Variants in CERT1 observed in about 807,000 individuals in gnomAD.
The protein encoded by CERT1 is ceramide transfer protein.
Under a neutral mutation model 87.9 loss-of-function variants are expected in CERT1, and 31 were observed. The observed-to-expected ratio is 0.35, with a 90% CI of 0.27 to 0.48. CERT1 has a LOEUF of 0.48. Among genes scored for constraint, CERT1 ranks in the 20% least tolerant of loss-of-function variants. The pLI is 0.99. For synonymous variants in CERT1, 289 were observed against 250.9 expected (o/e 1.15, Z -1.44); for missense variants, 487 against 758.0 (o/e 0.64, Z 4.20).
chr5:75,496,782 G>A (rs767845987), intron 2 of CERT1, among the ~76,000 whole-genome samples: 1 of 152,120 alleles, frequency 6.6e-6, no homozygotes, highest in Admixed American at 6.6e-5. Flanking sequence ...CAGAGGTTGG[G>A]GACACAGAGG....
intron 3 of CERT1, among the ~76,000 whole-genome samples, chr5:75,434,551 T>A (rs73120804): frequency 0.06 from 9,068 of 152,124 alleles, 558 homozygotes; most frequent in African/African-American, 0.16. Flanking sequence ...CCGGAATAAT[T>A]TCAGTAGCAT....
At chr5:75,462,997 A>C (rs1456632432) in intron 2 of CERT1, among the ~76,000 whole-genome samples, 1 of 151,130 alleles carries the variant, frequency 6.6e-6, no homozygotes, top group Non-Finnish European at 1.5e-5. Context: ...TCTCAAAAAA[A>C]AAAAAAAAAA....
intron 7 of CERT1, among the ~76,000 whole-genome samples, chr5:75,411,310 T>TGTAG (rs1762927120): frequency 6.6e-6 from 1 of 152,092 alleles, no homozygotes; most frequent in Non-Finnish European, 1.5e-5. Flanking sequence ...TATTTATGTA[T>TGTAG]GTATGTATGT....
At chr5:75,413,750 C>T (rs752400383) in intron 7 of CERT1, among the ~76,000 whole-genome samples, 4 of 152,014 alleles carry the variant, frequency 2.6e-5, no homozygotes, top group Non-Finnish European at 5.9e-5. Context: ...CCCACACACC[C>T]ACACATCCCT....
chr5:75,458,993 C>CTT, intron 3 of CERT1, 72 bp downstream of exon 3: 12 of 777,352 alleles, frequency 1.5e-5, no homozygotes, highest in Admixed American at 2.2e-5. Flanking sequence ...CACATGTCAA[C>CTT]TTTTTTTTTA....
chr5:75,423,731 C>T (rs1763485756), intron 5 of CERT1, among the ~76,000 whole-genome samples: 1 of 152,118 alleles, frequency 6.6e-6, no homozygotes, highest in Non-Finnish European at 1.5e-5. Context: ...TGATACTACA[C>T]ATAAAGTGGT....
Position 75,403,127 on chromosome 5 carries a change from ATTAAC to A in CERT1, c.931-74_931-70del, listed in dbSNP as rs549508779. 46 of 1,030,654 alleles carry A rather than the reference ATTAAC, an allele frequency of 4.5e-5. 1 individual carries two copies. The South Asian group carries it at 4.5e-4, about 10-fold the overall frequency. The allele number at this position is 1,030,654 out of a possible 1,614,324, so 63.8% of individuals were successfully genotyped here. On this transcript the variant is annotated intron_variant, in intron 8 of 16. Transcript: ENST00000643780. ...AACAGAAAACTCTGATAACTCTGGT[ATTAAC>A]TTGAGTTTGAAAATTGACCTAATAA... is the stretch of plus-strand genomic sequence containing the variant.
At chr5:75,459,903 AGT>A (rs1384682234) in intron 2 of CERT1, among the ~76,000 whole-genome samples, 1 of 143,524 alleles carries the variant, frequency 7.0e-6, no homozygotes, top group Admixed American at 7.4e-5. Context: ...CCGAGGTTTC[AGT>A]GAGCCGAGAT....
intron 5 of CERT1, among the ~76,000 whole-genome samples, chr5:75,423,327 G>T (rs1187733369): frequency 6.6e-6 from 1 of 151,904 alleles, no homozygotes; most frequent in Non-Finnish European, 1.5e-5. Flanking sequence ...TGATTAAAAG[G>T]TATACTTTTT....
At chr5:75,390,345 T>G (rs1052334675) in intron 11 of CERT1, among the ~76,000 whole-genome samples, 1 of 152,220 alleles carries the variant, frequency 6.6e-6, no homozygotes, top group Non-Finnish European at 1.5e-5. Context: ...TCCAATTTCT[T>G]TGTTCTAAAT....
chr5:75,494,908 T>C (rs761867732), intron 2 of CERT1, among the ~76,000 whole-genome samples: 1 of 152,236 alleles, frequency 6.6e-6, no homozygotes, highest in Non-Finnish European at 1.5e-5. Context: ...AATTCCTACC[T>C]TGTAAAAAGC....
intron 12 of CERT1, among the ~76,000 whole-genome samples, chr5:75,389,229 T>C (rs529907032): frequency 3.3e-5 from 5 of 152,122 alleles, no homozygotes; most frequent in Non-Finnish European, 5.9e-5. Flanking sequence ...CAAAGTGTCA[T>C]CTAGGCACAA....
intron 3 of CERT1, among the ~76,000 whole-genome samples, chr5:75,434,180 GTTGAGGT>G (rs1276402311): frequency 3.0e-5 from 4 of 134,666 alleles, no homozygotes; most frequent in African/African-American, 1.1e-4. Context: ...TGCCTAGTTT[GTTGAGGT>G]TTTTTTTTTT....
At chr5:75,391,810 T>C (rs1454143908) in intron 11 of CERT1, among the ~76,000 whole-genome samples, 1 of 152,236 alleles carries the variant, frequency 6.6e-6, no homozygotes, top group East Asian at 1.9e-4. Flanking sequence ...GATTTGAGTA[T>C]ATCTTTGAGG....
intron 3 of CERT1, among the ~76,000 whole-genome samples, chr5:75,456,663 C>CAAAAAAA (rs34320476): frequency 7.2e-5 from 5 of 69,424 alleles, no homozygotes; most frequent in Admixed American, 1.8e-4. Flanking sequence ...GACCTCATCT[C>CAAAAAAA]AAAAAAAAAA....
At chr5:75,381,297 TAA>T in intron 15 of CERT1, 96 bp from the exon 16 acceptor site, 1 of 1,333,424 alleles carries the variant, frequency 7.5e-7, no homozygotes, top group Non-Finnish European at 1.1e-6. Flanking sequence ...TCGTAACTCT[TAA>T]AAGTATCTCC....
In CERT1 at chr5:75,506,057, C is replaced by A. The variant is rs1405332412; in HGVS notation, c.156G>T (p.Leu52=). The A allele has an allele frequency of 1.8e-5, 29 of 1,613,388 alleles. No individual in the cohort carries two copies. Among genetic ancestry groups the A allele is most frequent in the Non-Finnish European group, 2.5e-5 (29 of 1,179,428 alleles). ...TTTCATCTTCAGATTTGTAGTAACT[C>A]AGAGCATTATTTTTCAAAACTACCC... is the stretch of plus-strand genomic sequence containing the variant. ...DRWVVLKNNA[L]SYYKSEDETE... Residue 52 remains leucine (L), a synonymous_variant, in exon 2 of 17, where the codon CTG becomes CTT. Transcript: ENST00000643780.
chr5:75,490,640 A>T (rs1358295342), intron 2 of CERT1, among the ~76,000 whole-genome samples: 2 of 151,808 alleles, frequency 1.3e-5, no homozygotes, highest in Non-Finnish European at 2.9e-5. Context: ...CTGGGACTAC[A>T]GGCGCCCACC....
At chr5:75,441,668 A>G (rs1764329680) in intron 3 of CERT1, among the ~76,000 whole-genome samples, 1 of 152,198 alleles carries the variant, frequency 6.6e-6, no homozygotes, top group Non-Finnish European at 1.5e-5. Flanking sequence ...GTGGAATCAT[A>G]CAGTATTTAT....
Sources: gnomAD v4.1 joint callset for allele counts (sites outside exome capture counted in the v4.1 genomes callset) on GRCh38, gnomAD v4.1.1 for gene constraint, MANE v1.5 for transcripts, NCBI Gene and HGNC (gene_info 2026-07-23, HGNC 2026-07-21) for gene names.